The following GPC3 variants were observed in gnomAD, a reference collection of about 807,000 sequenced individuals.
The protein encoded by GPC3 is glypican-3.
A neutral mutation model predicts 34.4 loss-of-function variants in GPC3; 3 were observed. That is an observed-to-expected ratio of 0.09 (90% CI 0.04 to 0.23). GPC3 has a LOEUF of 0.23. Ranked by LOEUF, GPC3 falls within the 10% of genes least tolerant of loss-of-function variation. The pLI is 1.00. For synonymous variants in GPC3, 177 were observed against 174.0 expected (o/e 1.02, Z -0.13); for missense variants, 351 against 445.6 (o/e 0.79, Z 1.91).
intron 7 of GPC3, among the ~76,000 whole-genome samples, chrX:133,572,092 C>A (rs993421917): frequency 1.4e-4 from 16 of 111,378 alleles, no homozygotes; most frequent in African/African-American, 4.6e-4. Flanking sequence ...TTAAACTAAG[C>A]CATAAAACAA....
chrX:133,796,135 C>T (rs112097716), intron 2 of GPC3, among the ~76,000 whole-genome samples: 5,086 of 108,967 alleles, frequency 0.047, 317 homozygotes, highest in African/African-American at 0.16. Context: ...TTAGTAGAGA[C>T]GGAGTTTCAC....
At chrX:133,779,497 TA>T (rs2072023680) in intron 2 of GPC3, among the ~76,000 whole-genome samples, 1 of 111,960 alleles carries the variant, frequency 8.9e-6, no homozygotes, top group Non-Finnish European at 1.9e-5. Context: ...ATAATAATTG[TA>T]CCTGCCCTAA....
At chrX:133,839,674 T>C (rs1304002423) in intron 2 of GPC3, among the ~76,000 whole-genome samples, 1 of 110,545 alleles carries the variant, frequency 9.0e-6, no homozygotes, top group Non-Finnish European at 1.9e-5. Flanking sequence ...CTTACACCTG[T>C]AATCCCAGCA....
chrX:133,859,504 C>G (rs888179450), intron 2 of GPC3, among the ~76,000 whole-genome samples: 2 of 111,640 alleles, frequency 1.8e-5, no homozygotes, highest in Admixed American at 9.5e-5. Flanking sequence ...ACCCCAGGGC[C>G]CACTTTAGCT....
intron 2 of GPC3, among the ~76,000 whole-genome samples, chrX:133,868,342 G>T (rs1282631143): frequency 8.9e-6 from 1 of 112,068 alleles, no homozygotes; most frequent in Non-Finnish European, 1.9e-5. Context: ...CCTGTGAGGG[G>T]GATCAGGGAA....
chrX:133,642,452 T>TA (rs1315519601), intron 6 of GPC3, among the ~76,000 whole-genome samples: 1 of 110,737 alleles, frequency 9.0e-6, no homozygotes, highest in Non-Finnish European at 1.9e-5. Flanking sequence ...AGTCTGAAAA[T>TA]ATGACGACTG....
intron 7 of GPC3, among the ~76,000 whole-genome samples, chrX:133,541,862 C>T (rs2069345299): frequency 8.9e-6 from 1 of 112,099 alleles, no homozygotes; most frequent in Non-Finnish European, 1.9e-5. Context: ...AGTTTAGCTA[C>T]TGACTTATTA....
In GPC3 at chrX:133,824,910, G is replaced by A. The variant is rs765202023; in HGVS notation, c.338-70734C>T. ...GTCGCCCGGGCTGGAGTGCAGTGGC[G>A]CGATCTCAGCTCACTGCAACCTGCA... On this transcript the variant is annotated intron_variant, in intron 2 of 7. Coordinates refer to ENST00000370818, the MANE Select transcript of GPC3 (RefSeq NM_004484.4). Among the ~76,000 whole-genome samples, 286 of 112,223 alleles carry A rather than the reference G, an allele frequency of 2.5e-3. 1 individual carries two copies. The highest frequency in any genetic ancestry group is 8.6e-3 in the African/African-American group (265 of 30,912).
intron 3 of GPC3, among the ~76,000 whole-genome samples, chrX:133,726,250 CA>C (rs1316385191): frequency 1.8e-5 from 2 of 111,177 alleles, no homozygotes; most frequent in African/African-American, 6.6e-5. Flanking sequence ...AGCTGGGTAA[CA>C]AAAAAACCTA....
At chrX:133,742,364 A>T (rs1037001958) in intron 3 of GPC3, among the ~76,000 whole-genome samples, 1 of 111,644 alleles carries the variant, frequency 9.0e-6, no homozygotes, top group Non-Finnish European at 1.9e-5. Context: ...TGAGCCTGTA[A>T]CTTAGATCTG....
chrX:133,551,817 C>A (rs919513834), intron 7 of GPC3, among the ~76,000 whole-genome samples: 1 of 111,342 alleles, frequency 9.0e-6, no homozygotes, highest in Non-Finnish European at 1.9e-5. Context: ...GCTCCACAGA[C>A]CTATTTATCT....
At chrX:133,579,301 T>C (rs2069713284) in intron 7 of GPC3, among the ~76,000 whole-genome samples, 1 of 112,098 alleles carries the variant, frequency 8.9e-6, no homozygotes, top group Non-Finnish European at 1.9e-5. Flanking sequence ...GCCCTTCCCA[T>C]TGCCCACCAC....
At chrX:133,915,395 G>A (rs1296301210) in intron 2 of GPC3, among the ~76,000 whole-genome samples, 10 of 111,038 alleles carry the variant, frequency 9.0e-5, no homozygotes. Context: ...GGCTGTTCTT[G>A]AACTCCTGAC....
At chrX:133,804,147 G>A (rs1157685875) in intron 2 of GPC3, among the ~76,000 whole-genome samples, 1 of 110,937 alleles carries the variant, frequency 9.0e-6, no homozygotes, top group Non-Finnish European at 1.9e-5. Flanking sequence ...AACTTGCTTT[G>A]TTTTGGAAAC....
intron 2 of GPC3, among the ~76,000 whole-genome samples, chrX:133,856,597 A>G (rs1473030356): frequency 9.1e-6 from 1 of 110,024 alleles, no homozygotes; most frequent in East Asian, 2.9e-4. Context: ...ATAAAAAGGT[A>G]TTAAAATGCA....
chrX:133,706,486 G>A (rs1281306757), intron 3 of GPC3, among the ~76,000 whole-genome samples: 4 of 110,400 alleles, frequency 3.6e-5, no homozygotes, highest in Non-Finnish European at 7.6e-5. Flanking sequence ...AAGCTATAAG[G>A]AACTTAAATA....
intron 6 of GPC3, among the ~76,000 whole-genome samples, chrX:133,654,817 T>C (rs188586168): frequency 8.9e-6 from 1 of 112,345 alleles, no homozygotes; most frequent in East Asian, 2.8e-4. Context: ...TAGAAATGTA[T>C]TTCTAAACTT....
chrX:133,924,732 A>G (rs888597110), intron 2 of GPC3, among the ~76,000 whole-genome samples: 2 of 112,183 alleles, frequency 1.8e-5, no homozygotes, highest in African/African-American at 6.5e-5. Flanking sequence ...AGGAAAAAGA[A>G]ACTCATTGTC....
chrX:133,757,792 T>C (rs957104000), intron 2 of GPC3, among the ~76,000 whole-genome samples: 1 of 111,806 alleles, frequency 8.9e-6, no homozygotes, highest in African/African-American at 3.3e-5. Flanking sequence ...GTCCTTGTTT[T>C]CAAGCTTAGG....
Sources: allele counts gnomAD v4.1 joint callset (sites outside exome capture counted in the v4.1 genomes callset), GRCh38; gene constraint gnomAD v4.1.1; transcripts MANE v1.5; gene names NCBI Gene and HGNC (gene_info 2026-07-23, HGNC 2026-07-21).